The following BMP2K variants were observed in gnomAD, a reference collection of about 807,000 sequenced individuals.
BMP2K encodes the protein BMP2 inducible kinase, also known as BMP-2-inducible protein kinase.
Under a neutral mutation model 116.0 loss-of-function variants are expected in BMP2K, and 74 were observed. The ratio of observed to expected loss-of-function variants is 0.64; its 90% CI spans 0.53 to 0.77. The LOEUF is 0.77. BMP2K is among the 30% of genes least tolerant of loss of function. BMP2K has a pLI of 0.00. For synonymous variants in BMP2K, 486 were observed against 502.5 expected (o/e 0.97, Z 0.44); for missense variants, 1,365 against 1,403.6 (o/e 0.97, Z 0.44).
intron 3 of BMP2K, among the ~76,000 whole-genome samples, chr4:78,838,058 C>T (rs935930144): frequency 1.3e-5 from 2 of 152,230 alleles, no homozygotes; most frequent in African/African-American, 4.8e-5. Flanking sequence ...ATTGGACTTA[C>T]AGTTCCATGT....
At chr4:78,887,329 CAA>C (rs1733152008) in intron 15 of BMP2K, 45 bp downstream of exon 15, 1 of 1,338,338 alleles carries the variant, frequency 7.5e-7, no homozygotes, top group Non-Finnish European at 1.1e-6. Flanking sequence ...ATAAAACACA[CAA>C]GAACAACAGC....
At chr4:78,856,661 G>C (rs1384992780) in intron 7 of BMP2K, among the ~76,000 whole-genome samples, 1 of 151,908 alleles carries the variant, frequency 6.6e-6, no homozygotes, top group Non-Finnish European at 1.5e-5. Flanking sequence ...TGGTCCACTG[G>C]AGCTCATCAG....
intron 1 of BMP2K, among the ~76,000 whole-genome samples, chr4:78,809,802 C>A (rs990285579): frequency 5.3e-5 from 8 of 151,266 alleles, no homozygotes; most frequent in African/African-American, 1.5e-4. Context: ...GTTCTTTGAA[C>A]ATATTTGTTG....
At position 78,911,771 on chromosome 4, in the gene BMP2K, A is replaced by T. The variant is rs769857473; in HGVS notation, c.3224A>T (p.His1075Leu). 6 of 1,614,002 alleles carry T rather than the reference A, an allele frequency of 3.7e-6. No individual in the cohort carries two copies. Among genetic ancestry groups the T allele is most frequent in the Non-Finnish European group, 2.5e-6 (3 of 1,179,890 alleles). ...LLDPFGAKPF[H>L]SPDLSWHPPH... ...GACCCCTTCGGTGCCAAGCCCTTCC[A>T]TTCTCCAGACCTGTCATGGCACCCT... Residue 1075 changes from histidine (H) to leucine (L), a missense_variant, in exon 16 of 16, where the codon CAT (histidine) becomes CTT (leucine). By Grantham distance (99) the His-to-Leu change is moderately conservative (BLOSUM62 -3). Around this residue, in one of 3 missense-constraint regions of BMP2K, gnomAD observed 596 missense variants for 623.2 expected, o/e 0.96. Coordinates refer to ENST00000502613, the MANE Select transcript of BMP2K (RefSeq NM_198892.2).
Position 78,814,666 on chromosome 4 carries a change from A to G in BMP2K, c.179-11371A>G, listed in dbSNP as rs1367582914. ...TAAGTTTCCTGAGGCCTCTCCAGCC[A>G]TGATGAACTGTGAGTCAATTAAACT... is the stretch of plus-strand genomic sequence containing the variant. On this transcript the variant is annotated intron_variant, in intron 1 of 15. Coordinates refer to ENST00000502613, the MANE Select transcript of BMP2K (RefSeq NM_198892.2). 5.9e-5 allele frequency among the ~76,000 whole-genome samples: 9 copies of G among 152,272 alleles called. No homozygotes were observed. The South Asian group carries it at 1.0e-3, about 18-fold the overall frequency.
intron 15 of BMP2K, among the ~76,000 whole-genome samples, chr4:78,889,963 C>T (rs940387312): frequency 2.0e-5 from 3 of 152,078 alleles, no homozygotes; most frequent in Non-Finnish European, 4.4e-5. Context: ...ATCTAGTGTT[C>T]CTTACACTGG....
chr4:78,786,010 T>G (rs1727707799), intron 1 of BMP2K, among the ~76,000 whole-genome samples: 1 of 152,138 alleles, frequency 6.6e-6, no homozygotes, highest in South Asian at 2.1e-4. Context: ...AACCTACCTC[T>G]CCAGCCTTAA....
intron 2 of BMP2K, among the ~76,000 whole-genome samples, chr4:78,831,795 A>T (rs930598674): frequency 6.6e-6 from 1 of 152,196 alleles, no homozygotes; most frequent in Admixed American, 6.5e-5. Flanking sequence ...AATGTAGAAT[A>T]AAAATTTCCT....
chr4:78,879,090 T>A, intron 14 of BMP2K, 199 bp downstream of exon 14: 1 of 1,336,228 alleles, frequency 7.5e-7, no homozygotes, highest in Middle Eastern at 2.8e-4. Flanking sequence ...ATAGTAGCTA[T>A]TAAACCCAAT....
In BMP2K at chr4:78,912,586, A is replaced by G. The variant is rs1240490117; in HGVS notation, c.*553A>G. On this transcript the variant is annotated 3_prime_UTR_variant, in exon 16 of 16. Transcript: ENST00000502613. ...TCTCCACAAAGCAGAGCCAGAAGTA[A>G]CTGACTATTGTGCCTAAAACTCTGT... The G allele has an allele frequency of 6.6e-6, 1 of 151,484 alleles. No homozygotes were observed. The highest frequency in any genetic ancestry group is 2.0e-4 in the East Asian group (1 of 5,106). 9.4% of individuals were successfully genotyped at this position (151,484 alleles called of 1,614,324 possible).
At chr4:78,778,573 C>T (rs1341856584) in intron 1 of BMP2K, among the ~76,000 whole-genome samples, 4 of 152,182 alleles carry the variant, frequency 2.6e-5, no homozygotes, top group African/African-American at 9.7e-5. Context: ...GAAGGGAGGC[C>T]AAGGCCTAGG....
rs973579825 is a variant in BMP2K at position 78,912,099 on chromosome 4, G to A, written c.*66G>A. On this transcript the variant is annotated 3_prime_UTR_variant, in exon 16 of 16. Transcript: ENST00000502613. ...AAAGTGTGAACAGTTTTATGAATTT[G>A]AAAGAAAATTTGGTAGCTCTTTATA... 6.9e-7 allele frequency: 1 copy of A among 1,444,382 alleles called. No individual in the cohort carries two copies. Among genetic ancestry groups the A allele is most frequent in the African/African-American group, 1.4e-5 (1 of 70,184 alleles). 89.5% of individuals were successfully genotyped at this position (1,444,382 alleles called of 1,614,324 possible). A position where few individuals can be genotyped will look rare whatever the true frequency, so the allele number is the denominator to read the frequency against.
chr4:78,886,310 C>A (rs536497637), intron 14 of BMP2K, among the ~76,000 whole-genome samples: 1 of 152,174 alleles, frequency 6.6e-6, no homozygotes, highest in Non-Finnish European at 1.5e-5. Flanking sequence ...TACTCCCTTG[C>A]GTCCTTCAAG....
intron 1 of BMP2K, among the ~76,000 whole-genome samples, chr4:78,804,343 TAATC>T (rs1332961444): frequency 1.3e-5 from 2 of 152,246 alleles, no homozygotes; most frequent in Admixed American, 6.5e-5. Flanking sequence ...TTTTGTTTAT[TAATC>T]AGTTAGTGGA....
In BMP2K at chr4:78,779,147, A is replaced by C. The variant is rs562935910; in HGVS notation, c.178+2426A>C. The stretch of plus-strand genomic sequence containing the variant: ...AAGTCACCGTGAAAACTGGATTAGC[A>C]AACACTGAACCACTGCTCCTACTAT... On this transcript the variant is annotated intron_variant, in intron 1 of 15. Transcript: ENST00000502613. Among the ~76,000 whole-genome samples the C allele has an allele frequency of 1.5e-4, 23 of 152,336 alleles. No individual in the cohort carries two copies. The South Asian group carries it at 4.8e-3, about 32-fold the overall frequency.
In BMP2K at chr4:78,916,081, T is replaced by C. The variant is rs1735033844; in HGVS notation, c.*4048T>C. 6.6e-6 allele frequency: 1 copy of C among 151,922 alleles called. No individual in the cohort carries two copies. Among genetic ancestry groups the C allele is most frequent in the Non-Finnish European group, 1.5e-5 (1 of 67,860 alleles). The allele number at this position is 151,922 out of a possible 1,614,324, so 9.4% of individuals were successfully genotyped here. The stretch of plus-strand genomic sequence containing the variant: ...TTGTATTTCTACTTGTTACAAAACA[T>C]ACTTGCTAAAGTAACTTCAGTCCTC... On this transcript the variant is annotated 3_prime_UTR_variant, in exon 16 of 16. Transcript: ENST00000502613.
At chr4:78,834,001 A>C (rs1165799448) in intron 3 of BMP2K, among the ~76,000 whole-genome samples, 1 of 152,200 alleles carries the variant, frequency 6.6e-6, no homozygotes, top group Non-Finnish European at 1.5e-5. Flanking sequence ...AGAAGAGGAT[A>C]ATATGTCAAT....
chr4:78,911,415 T>A lies in BMP2K; in HGVS notation c.2868T>A (p.Leu956=), dbSNP rs754696620. ...AAAGCAATGAGGACCTTTTTGGGCT[T>A]GTGCCCTTTGATGAAATAACGGGGA... The part of the protein sequence containing the change: ...KSESNEDLFG[L]VPFDEITGSQ... Residue 956 remains leucine, a synonymous_variant, in exon 16 of 16, where the codon CTT becomes CTA. Coordinates refer to ENST00000502613, the MANE Select transcript of BMP2K (RefSeq NM_198892.2). 2.5e-6 allele frequency: 4 copies of A among 1,614,038 alleles called. No homozygotes were observed. In the East Asian group the frequency reaches 6.7e-5, roughly 27 times the overall value.
At chr4:78,867,643 TG>T (rs1482954695) in intron 10 of BMP2K, among the ~76,000 whole-genome samples, 1 of 152,180 alleles carries the variant, frequency 6.6e-6, no homozygotes. Flanking sequence ...TCAGTGAAAA[TG>T]TAAATGTCTC....
Sources: allele counts gnomAD v4.1 joint callset (sites outside exome capture counted in the v4.1 genomes callset), GRCh38; gene constraint gnomAD v4.1.1; regional missense constraint gnomAD v4.1.1; transcripts MANE v1.5; gene names NCBI Gene and HGNC (gene_info 2026-07-23, HGNC 2026-07-21).